PCDHA12: variants seen among roughly 807,000 people sequenced by gnomAD.
PCDHA12 encodes the protein protocadherin alpha 12.
In PCDHA12, 44 loss-of-function variants were observed where a neutral mutation model predicts 60.0. The ratio of observed to expected loss-of-function variants is 0.73; its 90% CI spans 0.58 to 0.94. The LOEUF (loss-of-function observed/expected upper bound fraction) is 0.94, where lower values mean the gene tolerates loss of function less well. PCDHA12 is among the 40% of genes least tolerant of loss of function. The probability of loss-of-function intolerance (pLI) is 0.00; values close to 1 mark genes in which losing one functional copy is unlikely to be tolerated. For synonymous variants in PCDHA12, 569 were observed against 553.0 expected (o/e 1.03, Z -0.40); for missense variants, 1,276 against 1,239.7 (o/e 1.03, Z -0.44).
intron 1 of PCDHA12, among the ~76,000 whole-genome samples, chr5:140,972,225 G>A (rs959858462): frequency 3.3e-5 from 5 of 151,474 alleles, no homozygotes; most frequent in Admixed American, 2.0e-4. Context: ...CTGCAGCCTC[G>A]ACCTTCTGGG....
chr5:140,941,214 C>CCCTTCTTTCTTTCTTTCTTTCTTT (rs2092871784), intron 1 of PCDHA12, among the ~76,000 whole-genome samples: 1 of 122,414 alleles, frequency 8.2e-6, no homozygotes, highest in Non-Finnish European at 1.7e-5. Flanking sequence ...TTTCTTTCTT[C>CCCTTCTTTCTTTCTTTCTTTCTTT]CTTTCTTTCT....
chr5:141,003,370 G>A (rs192935173), intron 3 of PCDHA12, among the ~76,000 whole-genome samples: 1 of 152,262 alleles, frequency 6.6e-6, no homozygotes, highest in East Asian at 1.9e-4. Context: ...GGAGTGCAGT[G>A]GTGCAATCTC....
At chr5:140,906,766 C>T (rs1162031965) in intron 1 of PCDHA12, among the ~76,000 whole-genome samples, 1 of 152,224 alleles carries the variant, frequency 6.6e-6, no homozygotes, top group African/African-American at 2.4e-5. Flanking sequence ...TACTAAGAGA[C>T]ACCCTAAGGG....
chr5:140,882,050 T>A, intron 1 of PCDHA12: 1 of 756,750 alleles, frequency 1.3e-6, no homozygotes, highest in African/African-American at 1.8e-5. Flanking sequence ...GAGTCATACT[T>A]ACACTTACAC....
chr5:140,985,739 CTTTTTTTTT>C (rs11372071), intron 3 of PCDHA12, among the ~76,000 whole-genome samples: 4 of 117,922 alleles, frequency 3.4e-5, no homozygotes, highest in African/African-American at 3.2e-5. Flanking sequence ...TGATGAATTC[CTTTTTTTTT>C]TTTTTTTTTT....
intron 1 of PCDHA12, chr5:140,967,578 C>T (rs868970551): frequency 1.9e-6 from 3 of 1,614,000 alleles, no homozygotes; most frequent in Non-Finnish European, 2.5e-6. Flanking sequence ...GAGGACTCAC[C>T]CCCAGGCACA....
chr5:140,988,862 T>G (rs1554250483), intron 3 of PCDHA12: 2 of 152,218 alleles, frequency 1.3e-5, no homozygotes, highest in Non-Finnish European at 1.5e-5. Flanking sequence ...CAGTCTCATG[T>G]GCACTCAGAT....
intron 1 of PCDHA12, chr5:140,966,881 C>A: frequency 6.3e-7 from 1 of 1,589,072 alleles, no homozygotes. Context: ...GCTACCTGGC[C>A]CTGCGGCCTC....
intron 2 of PCDHA12, 86 bp from the exon 3 acceptor site, chr5:140,982,389 T>C: frequency 1.3e-6 from 2 of 1,593,476 alleles, no homozygotes; most frequent in South Asian, 1.1e-5. Context: ...CCTGGCTTCA[T>C]AGTTGTAAGC....
At chr5:140,889,645 A>AG (rs1314365000) in intron 1 of PCDHA12, among the ~76,000 whole-genome samples, 1 of 152,040 alleles carries the variant, frequency 6.6e-6, no homozygotes, top group African/African-American at 2.4e-5. Context: ...TTGTGTTTGC[A>AG]GGAGATGTCC....
chr5:140,973,850 T>G (rs767532771), intron 1 of PCDHA12, among the ~76,000 whole-genome samples: 25 of 152,176 alleles, frequency 1.6e-4, no homozygotes, highest in Admixed American at 5.2e-4. Flanking sequence ...TGCCTACCAA[T>G]TTTTGCTCTC....
chr5:140,928,291 G>A (rs62384489), intron 1 of PCDHA12: 1 of 1,614,142 alleles, frequency 6.2e-7, no homozygotes, highest in Non-Finnish European at 8.5e-7. Context: ...TCTAGGCCGA[G>A]TGTTTGCCCA....
chr5:140,966,930 G>A (rs1554228913), intron 1 of PCDHA12: 1 of 1,603,704 alleles, frequency 6.2e-7, no homozygotes, highest in Middle Eastern at 1.7e-4. Flanking sequence ...CAGGCACCCG[G>A]CGCGCTCGTG....
chr5:141,007,437 A>G (rs913587541), intron 3 of PCDHA12, among the ~76,000 whole-genome samples: 2 of 150,734 alleles, frequency 1.3e-5, no homozygotes, highest in Non-Finnish European at 2.9e-5. Context: ...GCATGGTGGC[A>G]TGTGCCTGTA....
intron 1 of PCDHA12, among the ~76,000 whole-genome samples, chr5:140,974,152 G>A (rs183558718): frequency 4.2e-4 from 64 of 152,284 alleles, no homozygotes; most frequent in Admixed American, 2.4e-3. Flanking sequence ...CTATACAAGG[G>A]TTTTTCTTTC....
At chr5:140,929,721 ATTTAC>A in intron 1 of PCDHA12, 2 of 222,496 alleles carry the variant, frequency 9.0e-6, no homozygotes, top group Non-Finnish European at 9.4e-6. Context: ...AAGGTGAAAC[ATTTAC>A]TTAAACTATT....
intron 1 of PCDHA12, among the ~76,000 whole-genome samples, chr5:140,918,383 C>A (rs1227959801): frequency 4.6e-5 from 7 of 152,124 alleles, no homozygotes. Flanking sequence ...CCTTTTATTT[C>A]TTTCTCTTGC....
chr5:140,896,735 T>C (rs930657295), intron 1 of PCDHA12, among the ~76,000 whole-genome samples: 8 of 152,166 alleles, frequency 5.3e-5, no homozygotes, highest in Non-Finnish European at 4.4e-5. Context: ...TTTAAGTTCC[T>C]TATAGATTCT....
chr5:140,884,563 T>TAAGACG (rs2060266286), intron 1 of PCDHA12: 9 of 1,614,032 alleles, frequency 5.6e-6, no homozygotes, highest in Non-Finnish European at 7.6e-6. Context: ...AGGGCCCGCA[T>TAAGACG]AAGACGGACC....
Sources: gnomAD v4.1 joint callset for allele counts (sites outside exome capture counted in the v4.1 genomes callset) on GRCh38, gnomAD v4.1.1 for gene constraint, MANE v1.5 for transcripts, NCBI Gene and HGNC (gene_info 2026-07-23, HGNC 2026-07-21) for gene names.